EBLN2: variants seen among roughly 807,000 people sequenced by gnomAD.
The protein encoded by EBLN2 is endogenous Bornavirus like nucleoprotein 2, also known as endogenous Bornavirus-like nucleoprotein 2.
For synonymous variants in EBLN2, 131 were observed against 113.6 expected (o/e 1.15, Z -0.97); for missense variants, 397 against 324.2 (o/e 1.22, Z -1.72).
In EBLN2 at chr3:73,062,894, A is replaced by G. The variant is rs774079684; in HGVS notation, c.813A>G (p.Ser271=). ...CCCCTCTACACAAGCTACGCAAGTCAAGTTAGTTGCCAAGAAAGCACAGAT... is the reference window on the plus strand; with the variant it reads ...CCCCTCTACACAAGCTACGCAAGTCGAGTTAGTTGCCAAGAAAGCACAGAT... ...FESPLHKLRK[S]S The change falls in exon 1 of 1, where the codon TCA becomes TCG. Residue 271 remains serine, a synonymous_variant. Transcript: ENST00000533473. 6.2e-7 allele frequency: 1 copy of G among 1,611,122 alleles called. No individual in the cohort carries two copies. Among genetic ancestry groups the G allele is most frequent in the South Asian group, 1.1e-5 (1 of 90,698 alleles).
Position 73,062,035 on chromosome 3 carries a change from T to C in EBLN2, c.-47T>C. 7.2e-7 allele frequency: 1 copy of C among 1,389,598 alleles called. No homozygotes were observed. Among genetic ancestry groups the C allele is most frequent in the East Asian group, 2.5e-5 (1 of 39,672 alleles). The allele number at this position is 1,389,598 out of a possible 1,614,324, so 86.1% of individuals were successfully genotyped here. On this transcript the variant is annotated 5_prime_UTR_variant, in exon 1 of 1. Transcript: ENST00000533473. ...GTTTTGCTCATGAACGTGAGGTATT[T>C]TGGAAAAATGGTAAAGAAGTGCAGA...
At position 73,062,271 on chromosome 3, in the gene EBLN2, G is replaced by T. The variant is rs376896494; in HGVS notation, c.190G>T (p.Ala64Ser). The T allele has an allele frequency of 9.3e-6, 15 of 1,604,328 alleles. No individual in the cohort carries two copies. Among genetic ancestry groups the T allele is most frequent in the Admixed American group, 3.5e-5 (2 of 56,600 alleles). The change falls in exon 1 of 1, where the codon GCA becomes TCA. Residue 64 changes from alanine to serine, a missense_variant. By Grantham distance (99) the Ala-to-Ser change is moderately conservative. Transcript: ENST00000533473. ...DSQPSSPGDD[A>S]MDRSGLPDLQ... ...ACAGCCCAGCAGCCCAGGAGATGACGCAATGGACAGGAGTGGGCTCCCTGA... is the reference window on the plus strand; with the variant it reads ...ACAGCCCAGCAGCCCAGGAGATGACTCAATGGACAGGAGTGGGCTCCCTGA...
Position 73,062,747 on chromosome 3 carries a change from T to C in EBLN2, c.666T>C (p.Leu222=). ...CAATGATGGCATCTATTGGAAGACT[T>C]TCACATGGTGAGAGTGCTGATCTGC... The part of the protein sequence containing the change: ...FKAMMASIGR[L]SHGESADLLI... Residue 222 remains leucine (L), a synonymous_variant, in exon 1 of 1, where the codon CTT becomes CTC. Transcript: ENST00000533473. 1 of 1,613,998 alleles carries C rather than the reference T, an allele frequency of 6.2e-7. No homozygotes were observed. Among genetic ancestry groups the C allele is most frequent in the South Asian group, 1.1e-5 (1 of 91,082 alleles).
chr3:73,062,307 A>G lies in EBLN2; in HGVS notation c.226A>G (p.Arg76Gly), dbSNP rs750907427. ...DRSGLPDLQGRFELSGKNRQY... is the reference protein window; with the variant it reads ...DRSGLPDLQGGFELSGKNRQY... ...GAGTGGGCTCCCTGACCTTCAAGGA[A>G]GATTTGAGCTATCTGGGAAAAACAG... The change falls in exon 1 of 1, where the codon AGA becomes GGA. Residue 76 changes from arginine (R) to glycine (G), a missense_variant. Physicochemically the swap from Arg to Gly is moderately radical, Grantham distance 125. Transcript: ENST00000533473. The G allele has an allele frequency of 5.0e-6, 8 of 1,606,936 alleles. No homozygotes were observed. The Admixed American group carries it at 5.2e-5, about 10-fold the overall frequency.
In EBLN2 at chr3:73,062,158, A is replaced by G. The variant is rs757205118; in HGVS notation, c.77A>G (p.Lys26Arg). Reference protein sequence around the residue: ...LFVWVCDRSYKRSFRPMILNK... With the variant: ...LFVWVCDRSYRRSFRPMILNK... The stretch of plus-strand genomic sequence containing the variant: ...GTTTGGGTCTGTGACAGATCTTACA[A>G]AAGATCTTTTAGACCTATGATTCTT... The change falls in exon 1 of 1, where the codon AAA becomes AGA. Residue 26 changes from lysine to arginine, a missense_variant. Transcript: ENST00000533473. The G allele has an allele frequency of 2.6e-6, 4 of 1,549,378 alleles. No homozygotes were observed. The highest frequency in any genetic ancestry group is 1.4e-5 in the African/African-American group (1 of 72,540).
Position 73,062,279 on chromosome 3 carries a change from C to T in EBLN2, c.198C>T (p.Asp66=). The T allele has an allele frequency of 6.2e-7, 1 of 1,606,960 alleles. No homozygotes were observed. The highest frequency in any genetic ancestry group is 8.5e-7 in the Non-Finnish European group (1 of 1,177,920). The change falls in exon 1 of 1, where the codon GAC becomes GAT. Residue 66 remains aspartate, a synonymous_variant. Transcript: ENST00000533473. ...GCAGCCCAGGAGATGACGCAATGGA[C>T]AGGAGTGGGCTCCCTGACCTTCAAG... ...QPSSPGDDAM[D]RSGLPDLQGR...
In EBLN2 at chr3:73,062,001, ATATGT is replaced by A. The variant is rs1702869271; in HGVS notation, c.-79_-75del. 3.9e-6 allele frequency: 4 copies of A among 1,029,724 alleles called. No individual in the cohort carries two copies. The highest frequency in any genetic ancestry group is 6.4e-4 in the Middle Eastern group (2 of 3,110). The allele number at this position is 1,029,724 out of a possible 1,614,324, so 63.8% of individuals were successfully genotyped here. A position where few individuals can be genotyped will look rare whatever the true frequency, so the allele number is the denominator to read the frequency against. On this transcript the variant is annotated 5_prime_UTR_variant, in exon 1 of 1. An upstream start codon of the reference 5' UTR is lost. Coordinates refer to ENST00000533473, the MANE Select transcript of EBLN2 (RefSeq NM_018029.4). ...ATAAAAATTTCTTTTATGAAGCAAAATATGTTTTGTTTTGCTCATGAACGTGAGGT... is the reference window on the plus strand; with the variant it reads ...ATAAAAATTTCTTTTATGAAGCAAAATTTGTTTTGCTCATGAACGTGAGGT...
Position 73,062,952 on chromosome 3 carries a change from G to C in EBLN2, c.*52G>C. ...TATTAATGCTGTGAGAATGTTTCTA[G>C]ATCAGTGCATGGATGGCTCCATTGC... On this transcript the variant is annotated 3_prime_UTR_variant, in exon 1 of 1. Transcript: ENST00000533473. The C allele has an allele frequency of 6.6e-7, 1 of 1,506,524 alleles. No homozygotes were observed. Among genetic ancestry groups the C allele is most frequent in the Non-Finnish European group, 9.2e-7 (1 of 1,089,702 alleles). 93.3% of individuals were successfully genotyped at this position (1,506,524 alleles called of 1,614,324 possible).
chr3:73,062,983 G>A lies in EBLN2; in HGVS notation c.*83G>A, dbSNP rs1000279281. 14 of 1,182,152 alleles carry A rather than the reference G, an allele frequency of 1.2e-5. No individual in the cohort carries two copies. In the African/African-American group the frequency reaches 1.7e-4, roughly 15 times the overall value. 73.2% of individuals were successfully genotyped at this position (1,182,152 alleles called of 1,614,324 possible). On this transcript the variant is annotated 3_prime_UTR_variant, in exon 1 of 1. Coordinates refer to ENST00000533473, the MANE Select transcript of EBLN2 (RefSeq NM_018029.4). ...TGCATGGATGGCTCCATTGCTCTAC[G>A]GGCCATTGTGTCTGAGATCCCAGTC... is the stretch of plus-strand genomic sequence containing the variant.
In EBLN2 at chr3:73,062,197, A is replaced by G; in HGVS notation, c.116A>G (p.Glu39Gly). Reference sequence around the variant, plus strand: ...CCTATGATTCTTAACAAAATTAAAGAATTAAGTCGGAACCAATTTTCCACA... The same window carrying G: ...CCTATGATTCTTAACAAAATTAAAGGATTAAGTCGGAACCAATTTTCCACA... Reference protein sequence around the residue: ...FRPMILNKIKELSRNQFSTMS... With the variant: ...FRPMILNKIKGLSRNQFSTMS... Residue 39 changes from glutamate (E) to glycine (G), a missense_variant, in exon 1 of 1, where the codon GAA becomes GGA. Transcript: ENST00000533473. 6.3e-7 allele frequency: 1 copy of G among 1,575,422 alleles called. No homozygotes were observed. The highest frequency in any genetic ancestry group is 8.6e-7 in the Non-Finnish European group (1 of 1,164,452).
rs2231926 is a variant in EBLN2 at position 73,062,658 on chromosome 3, A to G, written c.577A>G (p.Ile193Val). ...LRHCCDLLIG[I>V]AAGSSDKICT... ...CCACTGCTGTGACCTTTTGATAGGC[A>G]TTGCGGCTGGATCAAGTGATAAGAT... is the stretch of plus-strand genomic sequence containing the variant. Residue 193 changes from isoleucine to valine, a missense_variant, in exon 1 of 1, where the codon ATT becomes GTT. Transcript: ENST00000533473. The G allele has an allele frequency of 0.52, 833,216 of 1,613,610 alleles. 217,093 individuals are homozygous for G. The highest frequency in any genetic ancestry group is 0.62 in the African/African-American group (46,770 of 74,918).
In EBLN2 at chr3:73,062,339, T is replaced by C; in HGVS notation, c.258T>C (p.Tyr86=). The C allele has an allele frequency of 6.2e-7, 1 of 1,607,878 alleles. No homozygotes were observed. Among genetic ancestry groups the C allele is most frequent in the Non-Finnish European group, 8.5e-7 (1 of 1,178,186 alleles). ...AGCTATCTGGGAAAAACAGACAGTA[T>C]CCACTGGATGCATTGGAACCCCAAC... ...RFELSGKNRQ[Y]PLDALEPQPS... The change falls in exon 1 of 1, where the codon TAT becomes TAC. Residue 86 remains tyrosine, a synonymous_variant. Coordinates refer to ENST00000533473, the MANE Select transcript of EBLN2 (RefSeq NM_018029.4).
Position 73,061,790 on chromosome 3 carries a change from T to TA in EBLN2, c.-289dup, listed in dbSNP as rs1702863775. 1 of 326,094 alleles carries TA rather than the reference T, an allele frequency of 3.1e-6. No homozygotes were observed. Among genetic ancestry groups the TA allele is most frequent in the Non-Finnish European group, 5.7e-6 (1 of 176,322 alleles). The allele number at this position is 326,094 out of a possible 1,614,324, so 20.2% of individuals were successfully genotyped here. A position where few individuals can be genotyped will look rare whatever the true frequency, so the allele number is the denominator to read the frequency against. Reference sequence around the variant, plus strand: ...GAGTGATCATAGCTCACTGCAGCCTTAAACTCTAGTGATCCTCCCGCCTTG... The same window carrying TA: ...GAGTGATCATAGCTCACTGCAGCCTTAAAACTCTAGTGATCCTCCCGCCTTG... On this transcript the variant is annotated 5_prime_UTR_variant, in exon 1 of 1. Transcript: ENST00000533473.
At chr3:73,062,235 AG>A in the EBLN2 span, 40 of 1,598,584 alleles carry the variant, frequency 2.5e-5, no homozygotes, top group Non-Finnish European at 3.4e-5. Flanking sequence ...GTCTCATCTA[AG>A]AAAGGACTCA....
At position 73,062,866 on chromosome 3, in the gene EBLN2, A is replaced by T; in HGVS notation, c.785A>T (p.Glu262Val). Reference protein sequence around the residue: ...LMFTLLFGDFESPLHKLRKSS With the variant: ...LMFTLLFGDFVSPLHKLRKSS Reference sequence around the variant, plus strand: ...TTCACACTTCTATTTGGAGACTTTGAATCCCCTCTACACAAGCTACGCAAG... The same window carrying T: ...TTCACACTTCTATTTGGAGACTTTGTATCCCCTCTACACAAGCTACGCAAG... Residue 262 changes from glutamate (E) to valine (V), a missense_variant, in exon 1 of 1, where the codon GAA (glutamate) becomes GTA (valine). Coordinates refer to ENST00000533473, the MANE Select transcript of EBLN2 (RefSeq NM_018029.4). The T allele has an allele frequency of 1.2e-6, 2 of 1,613,808 alleles. No individual in the cohort carries two copies. Among genetic ancestry groups the T allele is most frequent in the Non-Finnish European group, 1.7e-6 (2 of 1,179,784 alleles).
At position 73,062,139 on chromosome 3, in the gene EBLN2, G is replaced by A. The variant is rs1307890277; in HGVS notation, c.58G>A (p.Val20Ile). The A allele has an allele frequency of 1.3e-6, 2 of 1,547,478 alleles. No homozygotes were observed. Among genetic ancestry groups the A allele is most frequent in the African/African-American group, 2.8e-5 (2 of 72,582 alleles). ...YVNSHSLFVW[V>I]CDRSYKRSFR... The stretch of plus-strand genomic sequence containing the variant: ...TAATTCTCACAGTCTTTTTGTTTGG[G>A]TCTGTGACAGATCTTACAAAAGATC... Residue 20 changes from valine (V) to isoleucine (I), a missense_variant, in exon 1 of 1, where the codon GTC (valine) becomes ATC (isoleucine). By Grantham distance (29) the Val-to-Ile change is conservative. Transcript: ENST00000533473.
In EBLN2 at chr3:73,061,991, A is replaced by G. The variant is rs1283630504; in HGVS notation, c.-91A>G. On this transcript the variant is annotated 5_prime_UTR_variant, in exon 1 of 1. The change abolishes an upstream ATG in the 5' untranslated region. Transcript: ENST00000533473. ...TGTATACATGATAAAAATTTCTTTT[A>G]TGAAGCAAAATATGTTTTGTTTTGC... The G allele has an allele frequency of 3.2e-6, 3 of 936,488 alleles. No individual in the cohort carries two copies. Among genetic ancestry groups the G allele is most frequent in the Non-Finnish European group, 3.1e-6 (2 of 638,222 alleles). The allele number at this position is 936,488 out of a possible 1,614,324, so 58.0% of individuals were successfully genotyped here.
rs1423233670 is a variant in EBLN2, at chr3:73,062,603, T to C, written c.522T>C (p.Phe174=). 28 of 1,613,898 alleles carry C rather than the reference T, an allele frequency of 1.7e-5. No individual in the cohort carries two copies. Among genetic ancestry groups the C allele is most frequent in the Non-Finnish European group, 1.9e-5 (23 of 1,179,902 alleles). The change falls in exon 1 of 1, where the codon TTT becomes TTC. Residue 174 remains phenylalanine (F), a synonymous_variant. Coordinates refer to ENST00000533473, the MANE Select transcript of EBLN2 (RefSeq NM_018029.4). ...GCAGATTCAAAGATATGCCTAACTTTATTGCCCTTGAGAAGTCATCAGTTC... is the reference window on the plus strand; with the variant it reads ...GCAGATTCAAAGATATGCCTAACTTCATTGCCCTTGAGAAGTCATCAGTTC... The part of the protein sequence containing the change: ...YASRFKDMPN[F]IALEKSSVLR...
Position 73,062,380 on chromosome 3 carries a change from T to C in EBLN2, c.299T>C (p.Ile100Thr), listed in dbSNP as rs1374297869. The change falls in exon 1 of 1, where the codon ATT becomes ACT. Residue 100 changes from isoleucine (I) to threonine (T), a missense_variant. Coordinates refer to ENST00000533473, the MANE Select transcript of EBLN2 (RefSeq NM_018029.4). ...ALEPQPSIGD[I>T]KDIKKAAKSM... Reference sequence around the variant, plus strand: ...GAACCCCAACCCAGCATTGGGGATATTAAGGACATTAAAAAAGCAGCCAAG... The same window carrying C: ...GAACCCCAACCCAGCATTGGGGATACTAAGGACATTAAAAAAGCAGCCAAG... 6.2e-7 allele frequency: 1 copy of C among 1,607,324 alleles called. No individual in the cohort carries two copies. The highest frequency in any genetic ancestry group is 1.1e-5 in the South Asian group (1 of 89,966).
Sources: allele counts gnomAD v4.1 joint callset, GRCh38; gene constraint gnomAD v4.1.1; transcripts MANE v1.5; gene names NCBI Gene and HGNC (gene_info 2026-07-23, HGNC 2026-07-21).